Variants in NPNT observed in about 807,000 individuals in gnomAD.
NPNT encodes preosteoblast EGF-like repeat protein with MAM domain.
NPNT carries 45 observed loss-of-function variants against 68.6 expected under a neutral mutation model. The observed-to-expected ratio is 0.66, with a 90% confidence interval of 0.52 to 0.84. NPNT has a LOEUF of 0.84. Among genes scored for constraint, NPNT ranks in the 40% least tolerant of loss-of-function variants. The pLI, the probability that NPNT is intolerant of heterozygous loss-of-function variation, is 0.00. For missense variants in NPNT, 672 were observed against 714.8 expected, an observed-to-expected ratio of 0.94 and a Z score of 0.68; for synonymous variants, 233 against 253.3, an observed-to-expected ratio of 0.92 and a Z score of 0.76.
intron 2 of NPNT, among the ~76,000 whole-genome samples, chr4:105,919,294 A>G (rs1200201333): frequency 1.3e-5 from 2 of 151,486 alleles, no homozygotes; most frequent in Non-Finnish European, 2.9e-5. Context: ...TCCCTCAACC[A>G]TTTTTAAGTA....
chr4:105,903,839 C>G (rs1177890531), intron 2 of NPNT, among the ~76,000 whole-genome samples: 2 of 145,734 alleles, frequency 1.4e-5, no homozygotes, highest in African/African-American at 5.2e-5. Flanking sequence ...GGTTGGAGTG[C>G]AGTGGCATAA....
At chr4:105,930,247 T>G (rs1316999755) in intron 3 of NPNT, among the ~76,000 whole-genome samples, 1 of 152,228 alleles carries the variant, frequency 6.6e-6, no homozygotes, top group African/African-American at 2.4e-5. Context: ...ATTATTAAAG[T>G]GACTTGCACA....
intron 1 of NPNT, among the ~76,000 whole-genome samples, chr4:105,896,909 A>G (rs897872727): frequency 1.3e-5 from 2 of 152,230 alleles, no homozygotes; most frequent in African/African-American, 4.8e-5. Context: ...AAAACGTGAT[A>G]GCAGCCAGAG....
intron 2 of NPNT, among the ~76,000 whole-genome samples, chr4:105,899,798 T>C (rs916022372): frequency 2.3e-4 from 35 of 152,206 alleles, no homozygotes; most frequent in African/African-American, 8.2e-4. Flanking sequence ...TTTCCTTCTG[T>C]GTATTTTATT....
At chr4:105,938,235 CAT>C in intron 4 of NPNT, 64 bp from the exon 5 acceptor site, 2 of 1,536,540 alleles carry the variant, frequency 1.3e-6, no homozygotes, top group South Asian at 2.4e-5. Flanking sequence ...AGTGAAAAAA[CAT>C]AGCTATTTCC....
intron 2 of NPNT, among the ~76,000 whole-genome samples, chr4:105,919,854 T>C (rs1728109400): frequency 6.6e-6 from 1 of 152,088 alleles, no homozygotes. Flanking sequence ...GGCACCTTTT[T>C]TTCTTTGTAA....
At position 105,904,252 on chromosome 4, in the gene NPNT, G is replaced by C. The variant is rs138980977; in HGVS notation, c.172+6251G>C. Among the ~76,000 whole-genome samples the C allele has an allele frequency of 3.4e-3, 517 of 152,234 alleles. 4 individuals are homozygous for C. Among genetic ancestry groups the C allele is most frequent in the African/African-American group, 0.012 (498 of 41,542 alleles). ...AAAGATGTTGTTTTGCATGTTCTTA[G>C]TGTTTCTGCAAAATAAATTTTTATA... On this transcript the variant is annotated intron_variant, in intron 2 of 11. Transcript: ENST00000379987.
intron 2 of NPNT, among the ~76,000 whole-genome samples, chr4:105,919,724 A>G (rs1728096100): frequency 6.6e-6 from 1 of 152,118 alleles, no homozygotes; most frequent in African/African-American, 2.4e-5. Flanking sequence ...TAAGAATATT[A>G]TATATAGATG....
intron 2 of NPNT, among the ~76,000 whole-genome samples, chr4:105,914,938 A>G (rs1398205877): frequency 6.6e-6 from 1 of 152,188 alleles, no homozygotes; most frequent in Non-Finnish European, 1.5e-5. Context: ...CATATTAAAT[A>G]CATTTGCCTT....
At chr4:105,939,979 C>T in intron 5 of NPNT, 96 bp from the exon 6 acceptor site, 1 of 1,062,226 alleles carries the variant, frequency 9.4e-7, no homozygotes, top group Non-Finnish European at 1.4e-6. Context: ...CCACTATATG[C>T]TAGGCAACCA....
intron 2 of NPNT, among the ~76,000 whole-genome samples, chr4:105,920,026 C>T (rs1728126125): frequency 6.6e-6 from 1 of 151,972 alleles, no homozygotes; most frequent in Non-Finnish European, 1.5e-5. Flanking sequence ...TTCGCCGTTC[C>T]TTCTACATGT....
At chr4:105,901,153 C>T (rs542338075) in intron 2 of NPNT, among the ~76,000 whole-genome samples, 7 of 152,088 alleles carry the variant, frequency 4.6e-5, no homozygotes, top group African/African-American at 9.7e-5. Context: ...CAAGTGGAGA[C>T]CTCTGTAACA....
At chr4:105,937,784 T>TAA (rs1729611963) in intron 4 of NPNT, among the ~76,000 whole-genome samples, 1 of 152,246 alleles carries the variant, frequency 6.6e-6, no homozygotes, top group African/African-American at 2.4e-5. Context: ...ATTGTGGTAT[T>TAA]CATATGATAT....
At chr4:105,898,041 G>GT (rs1726021401) in intron 2 of NPNT, 40 bp downstream of exon 2, 3 of 1,381,770 alleles carry the variant, frequency 2.2e-6, no homozygotes, top group Admixed American at 2.1e-5. Context: ...CCTGGGAGGT[G>GT]TGGCTTTCCA....
At chr4:105,949,725 G>A (rs1730671353) in intron 8 of NPNT, among the ~76,000 whole-genome samples, 1 of 152,030 alleles carries the variant, frequency 6.6e-6, no homozygotes, top group African/African-American at 2.4e-5. Flanking sequence ...TATTAAACAT[G>A]TTTTATGGAA....
Position 105,956,086 on chromosome 4 carries a change from A to G in NPNT, c.1160-2385A>G, listed in dbSNP as rs186449502. Among the ~76,000 whole-genome samples the G allele has an allele frequency of 4.7e-3, 708 of 152,212 alleles. 3 individuals are homozygous for G. The Middle Eastern group carries it at 0.051, about 11-fold the overall frequency. On this transcript the variant is annotated intron_variant, in intron 8 of 11. Coordinates refer to ENST00000379987, the MANE Select transcript of NPNT (RefSeq NM_001033047.3). The stretch of plus-strand genomic sequence containing the variant: ...ATTTAATTTAATATTAATAATTTAT[A>G]TTAATAAACCATCTGACATTTTACA...
chr4:105,914,450 C>CATA, intron 2 of NPNT, among the ~76,000 whole-genome samples: 1 of 127,614 alleles, frequency 7.8e-6, no homozygotes, highest in South Asian at 2.4e-4. Context: ...ATTACATATA[C>CATA]ATAATATAAT....
At chr4:105,915,066 A>G (rs1190766637) in intron 2 of NPNT, among the ~76,000 whole-genome samples, 4 of 152,072 alleles carry the variant, frequency 2.6e-5, no homozygotes, top group Non-Finnish European at 1.5e-5. Context: ...TTTTGCTTGG[A>G]GTGTTTGTAG....
At chr4:105,913,591 G>T (rs1014762011) in intron 2 of NPNT, among the ~76,000 whole-genome samples, 1 of 152,172 alleles carries the variant, frequency 6.6e-6, no homozygotes, top group Non-Finnish European at 1.5e-5. Context: ...GCTATTATTA[G>T]TGTGTTCTCA....
Sources: gnomAD v4.1 joint callset for allele counts (sites outside exome capture counted in the v4.1 genomes callset) on GRCh38, gnomAD v4.1.1 for gene constraint, MANE v1.5 for transcripts, NCBI Gene and HGNC (gene_info 2026-07-23, HGNC 2026-07-21) for gene names.